The following SLC2A13 variants were observed in gnomAD, a reference collection of about 807,000 sequenced individuals.
SLC2A13 encodes solute carrier family 2 member 13, also known as proton myo-inositol cotransporter.
Under a neutral mutation model 64.4 loss-of-function variants are expected in SLC2A13, and 32 were observed. That is an observed-to-expected ratio of 0.50 (90% CI 0.37 to 0.67). The LOEUF (loss-of-function observed/expected upper bound fraction) is 0.67. Ranked by LOEUF, SLC2A13 falls within the 30% of genes least tolerant of loss-of-function variation. SLC2A13 has a pLI of 0.00. For synonymous variants in SLC2A13, 338 were observed against 327.1 expected (o/e 1.03, Z -0.36); for missense variants, 743 against 829.2 (o/e 0.90, Z 1.28).
chr12:39,914,441 G>A (rs1945486801), intron 4 of SLC2A13, among the ~76,000 whole-genome samples: 1 of 151,958 alleles, frequency 6.6e-6, no homozygotes, highest in South Asian at 2.1e-4. Context: ...GTAAAAATGA[G>A]GTGAGCTCTG....
chr12:39,847,122 T>C (rs1384662415), intron 6 of SLC2A13, among the ~76,000 whole-genome samples: 9 of 152,194 alleles, frequency 5.9e-5, no homozygotes, highest in Non-Finnish European at 1.2e-4. Flanking sequence ...TTTAGACTTC[T>C]AATGAGCACA....
chr12:39,798,107 G>A (rs962314429), intron 7 of SLC2A13, among the ~76,000 whole-genome samples: 37 of 152,206 alleles, frequency 2.4e-4, no homozygotes, highest in African/African-American at 8.9e-4. Flanking sequence ...ACCATGTTAT[G>A]AGGACAGCCA....
chr12:39,911,834 A>C (rs946953696), intron 4 of SLC2A13, among the ~76,000 whole-genome samples: 1 of 152,134 alleles, frequency 6.6e-6, no homozygotes, highest in African/African-American at 2.4e-5. Context: ...GAGAACAGAC[A>C]GGGTAGGAAA....
intron 3 of SLC2A13, among the ~76,000 whole-genome samples, chr12:40,007,893 G>C (rs959271494): frequency 1.3e-5 from 2 of 152,118 alleles, no homozygotes; most frequent in East Asian, 3.9e-4. Flanking sequence ...CAGCCTTAAA[G>C]ATTCCATACA....
intron 1 of SLC2A13, among the ~76,000 whole-genome samples, chr12:40,075,399 C>T (rs1260346194): frequency 6.6e-6 from 1 of 152,162 alleles, no homozygotes; most frequent in African/African-American, 2.4e-5. Flanking sequence ...CCTGCCTCTC[C>T]AGTTTTGGGG....
intron 3 of SLC2A13, among the ~76,000 whole-genome samples, chr12:39,969,282 T>C (rs939767319): frequency 3.9e-5 from 6 of 152,140 alleles, no homozygotes; most frequent in Non-Finnish European, 8.8e-5. Flanking sequence ...GTCTTTATAG[T>C]AGCATGATTT....
chr12:39,893,180 T>C (rs1300593974), intron 4 of SLC2A13, among the ~76,000 whole-genome samples: 1 of 152,236 alleles, frequency 6.6e-6, no homozygotes, highest in African/African-American at 2.4e-5. Flanking sequence ...TCATTTAAAT[T>C]AGATTGGCCA....
intron 1 of SLC2A13, among the ~76,000 whole-genome samples, chr12:40,104,700 A>T (rs1252934057): frequency 6.6e-6 from 1 of 152,256 alleles, no homozygotes; most frequent in Non-Finnish European, 1.5e-5. Flanking sequence ...TGCCATCTAA[A>T]GACAAATGCT....
At chr12:39,776,284 G>T (rs889093148) in intron 7 of SLC2A13, among the ~76,000 whole-genome samples, 3 of 94,392 alleles carry the variant, frequency 3.2e-5, no homozygotes, top group African/African-American at 1.2e-4. Flanking sequence ...CTGCTTCCCC[G>T]CTTAGGAGCT....
Position 39,774,364 on chromosome 12 carries a change from C to CTT in SLC2A13, c.1446-9507_1446-9506insAA, listed in dbSNP as rs1940694582. On this transcript the variant is annotated intron_variant, in intron 7 of 9. Transcript: ENST00000280871. Reference sequence around the variant, plus strand: ...TGAAAAGTTACTGTTACAAACTTGGCCCATTACTTCTCAGATACTTTTAAT... The same window carrying CTT: ...TGAAAAGTTACTGTTACAAACTTGGCTTCCATTACTTCTCAGATACTTTTAAT... Among the ~76,000 whole-genome samples, 4 of 152,276 alleles carry CTT rather than the reference C, an allele frequency of 2.6e-5. No individual in the cohort carries two copies. In the South Asian group the frequency reaches 8.3e-4, roughly 32 times the overall value.
rs1025259440 is a variant in SLC2A13, at chr12:39,777,460, G to A, written c.1446-12602C>T. Reference sequence around the variant, plus strand: ...TGGTCCCTTTAAATGATATGGAAGGGAAGTGCTAGGTAGAGGAGGGCGTGG... The same window carrying A: ...TGGTCCCTTTAAATGATATGGAAGGAAAGTGCTAGGTAGAGGAGGGCGTGG... On this transcript the variant is annotated intron_variant, in intron 7 of 9. Transcript: ENST00000280871. 5.9e-5 allele frequency among the ~76,000 whole-genome samples: 9 copies of A among 152,228 alleles called. No individual in the cohort carries two copies. The East Asian group carries it at 1.5e-3, about 26-fold the overall frequency.
At chr12:39,853,479 G>C (rs2135899987) in intron 6 of SLC2A13, among the ~76,000 whole-genome samples, 1 of 152,034 alleles carries the variant, frequency 6.6e-6, no homozygotes, top group East Asian at 1.9e-4. Context: ...AGGTCTTAAA[G>C]CAGGGATTTG....
chr12:39,913,662 A>G (rs532533413), intron 4 of SLC2A13, among the ~76,000 whole-genome samples: 4 of 151,948 alleles, frequency 2.6e-5, no homozygotes, highest in Admixed American at 2.0e-4. Context: ...AAAGATACAT[A>G]ATTTGTTCAT....
In SLC2A13 at chr12:39,898,360, A is replaced by G. The variant is rs1458434631; in HGVS notation, c.1035-26399T>C. 5.9e-5 allele frequency among the ~76,000 whole-genome samples: 9 copies of G among 152,248 alleles called. No homozygotes were observed. In the East Asian group the frequency reaches 1.5e-3, roughly 26 times the overall value. ...CATGGATGGTGATGAATATGATACA[A>G]TGGGAATGTTTAGGTTCTACAAATC... is the stretch of plus-strand genomic sequence containing the variant. On this transcript the variant is annotated intron_variant, in intron 4 of 9. Transcript: ENST00000280871.
At chr12:39,821,398 A>C (rs1267878855) in intron 7 of SLC2A13, among the ~76,000 whole-genome samples, 1 of 152,054 alleles carries the variant, frequency 6.6e-6, no homozygotes, top group African/African-American at 2.4e-5. Context: ...TAACAGAGCA[A>C]GACTCCGTCT....
At chr12:39,830,542 G>A in intron 6 of SLC2A13, 2 of 1,016,482 alleles carry the variant, frequency 2.0e-6, no homozygotes, top group Non-Finnish European at 2.4e-6. Context: ...CTAAACCACT[G>A]AGATTTGTTA....
chr12:39,971,682 A>G (rs1946647991), intron 3 of SLC2A13, among the ~76,000 whole-genome samples: 1 of 152,110 alleles, frequency 6.6e-6, no homozygotes, highest in African/African-American at 2.4e-5. Context: ...TACAAGAAAA[A>G]ATAAAAATGT....
At chr12:39,871,756 G>T in intron 5 of SLC2A13, 42 bp downstream of exon 5, 1 of 1,533,958 alleles carries the variant, frequency 6.5e-7, no homozygotes, top group Non-Finnish European at 8.8e-7. Flanking sequence ...GAAGTTATTA[G>T]GAAATAAAGT....
At chr12:39,798,981 G>T (rs1941675993) in intron 7 of SLC2A13, among the ~76,000 whole-genome samples, 1 of 150,260 alleles carries the variant, frequency 6.7e-6, no homozygotes, top group African/African-American at 2.4e-5. Context: ...AAACAAAGGT[G>T]TTGCTTGTTT....
Sources: gnomAD v4.1 joint callset for allele counts (sites outside exome capture counted in the v4.1 genomes callset) on GRCh38, gnomAD v4.1.1 for gene constraint, MANE v1.5 for transcripts, NCBI Gene and HGNC (gene_info 2026-07-23, HGNC 2026-07-21) for gene names.